The following CRK variants were observed in gnomAD, a reference collection of about 807,000 sequenced individuals.
CRK encodes adapter molecule crk.
Under a neutral mutation model 29.8 loss-of-function variants are expected in CRK, and 4 were observed. That is an observed-to-expected ratio of 0.13 (90% confidence interval 0.07 to 0.31). The LOEUF is 0.31. Among genes scored for constraint, CRK ranks in the 10% least tolerant of loss-of-function variants. The pLI is 1.00. For synonymous variants in CRK, 153 were observed against 164.9 expected (o/e 0.93, Z 0.55); for missense variants, 274 against 396.5 (o/e 0.69, Z 2.62).
At chr17:1,445,905 G>A (rs1173637871) in intron 1 of CRK, among the ~76,000 whole-genome samples, 1 of 152,164 alleles carries the variant, frequency 6.6e-6, no homozygotes, top group Non-Finnish European at 1.5e-5. Flanking sequence ...GTGGTTGGCA[G>A]GTCAGTGCTC....
intron 2 of CRK, among the ~76,000 whole-genome samples, chr17:1,436,141 G>A (rs137890361): frequency 5.3e-4 from 81 of 152,132 alleles, no homozygotes; most frequent in African/African-American, 1.8e-3. Flanking sequence ...ATTTCCTCCC[G>A]GATTCTACTC....
At chr17:1,448,586 G>A (rs764971950) in intron 1 of CRK, among the ~76,000 whole-genome samples, 8 of 129,610 alleles carry the variant, frequency 6.2e-5, no homozygotes, top group Non-Finnish European at 9.1e-5. Context: ...ATATGCCATT[G>A]CACTCCAGCC....
chr17:1,440,678 C>T (rs1278895670), intron 1 of CRK, among the ~76,000 whole-genome samples: 1 of 151,814 alleles, frequency 6.6e-6, no homozygotes, highest in African/African-American at 2.4e-5. Context: ...TTTGGGAGGC[C>T]GAGGCGGGTG....
chr17:1,441,146 T>G (rs546258310), intron 1 of CRK, among the ~76,000 whole-genome samples: 1 of 152,206 alleles, frequency 6.6e-6, no homozygotes, highest in Admixed American at 6.5e-5. Context: ...CAAGCCAGTC[T>G]CGAATTCCTG....
intron 2 of CRK, among the ~76,000 whole-genome samples, chr17:1,425,431 GTCAC>G (rs1323817825): frequency 6.6e-6 from 1 of 152,032 alleles, no homozygotes; most frequent in Non-Finnish European, 1.5e-5. Context: ...GTCTCACTCT[GTCAC>G]TCAGGCTGGA....
chr17:1,430,417 C>G (rs62089612), intron 2 of CRK, among the ~76,000 whole-genome samples: 1 of 150,224 alleles, frequency 6.7e-6, no homozygotes, highest in Non-Finnish European at 1.5e-5. Context: ...AGTGCAGTGG[C>G]GCGATCTTGG....
chr17:1,421,277 A>G lies in CRK; in HGVS notation c.*2236T>C, dbSNP rs1470054782. 1.7e-5 allele frequency: 2 copies of G among 118,958 alleles called. No individual in the cohort carries two copies. The highest frequency in any genetic ancestry group is 5.5e-5 in the African/African-American group (2 of 36,492). The allele number at this position is 118,958 out of a possible 1,614,324, so 7.4% of individuals were successfully genotyped here. ...TGATGAAAAGAGACATTACAAGCCA[A>G]TATCAAAGTCAAAGGAAAAGAAAAT... is the stretch of plus-strand genomic sequence containing the variant. On this transcript the variant is annotated 3_prime_UTR_variant, in exon 3 of 3. Coordinates refer to ENST00000300574, the MANE Select transcript of CRK (RefSeq NM_016823.4).
intron 1 of CRK, among the ~76,000 whole-genome samples, chr17:1,448,350 C>T (rs2073990841): frequency 6.6e-6 from 1 of 151,984 alleles, no homozygotes; most frequent in Non-Finnish European, 1.5e-5. Flanking sequence ...AGAGGCTGGG[C>T]GTGGGGGTTC....
intron 1 of CRK, among the ~76,000 whole-genome samples, chr17:1,442,523 TTAATTA>T (rs2073943030): frequency 6.6e-6 from 1 of 151,890 alleles, no homozygotes. Flanking sequence ...ATTATTAATT[TTAATTA>T]TATGTGAGCC....
chr17:1,437,820 A>AT (rs34817166), intron 1 of CRK, among the ~76,000 whole-genome samples: 25,890 of 136,674 alleles, frequency 0.19, 2,721 homozygotes, highest in African/African-American at 0.3. Context: ...TGACAAGCTA[A>AT]TTTTTTTTTT....
chr17:1,437,446 C>T (rs1026820550), intron 1 of CRK, among the ~76,000 whole-genome samples: 1 of 152,084 alleles, frequency 6.6e-6, no homozygotes, highest in Non-Finnish European at 1.5e-5. Context: ...CTTCACAGCA[C>T]ACCAACATCA....
intron 1 of CRK, among the ~76,000 whole-genome samples, chr17:1,450,313 CCTGG>C (rs2074007275): frequency 6.6e-6 from 1 of 152,054 alleles, no homozygotes; most frequent in Non-Finnish European, 1.5e-5. Flanking sequence ...TCAAGACCAT[CCTGG>C]CTAACACGGT....
intron 1 of CRK, among the ~76,000 whole-genome samples, chr17:1,441,568 G>A (rs1465185790): frequency 2.7e-5 from 4 of 148,688 alleles, no homozygotes; most frequent in Non-Finnish European, 6.0e-5. Flanking sequence ...CTTGGCTCAC[G>A]GCAACCTCCA....
At chr17:1,449,493 T>C (rs898068549) in intron 1 of CRK, among the ~76,000 whole-genome samples, 1 of 152,304 alleles carries the variant, frequency 6.6e-6, no homozygotes, top group Middle Eastern at 3.4e-3. Flanking sequence ...TCAGTATTAC[T>C]ATTTCCCTCC....
chr17:1,441,249 G>A (rs575048141), intron 1 of CRK, among the ~76,000 whole-genome samples: 2 of 152,048 alleles, frequency 1.3e-5, no homozygotes, highest in South Asian at 2.1e-4. Context: ...TTTTGAGACA[G>A]GAGACTCCCT....
chr17:1,444,001 ATTTTTTT>A (rs1011472711), intron 1 of CRK, among the ~76,000 whole-genome samples: 1 of 139,504 alleles, frequency 7.2e-6, no homozygotes, highest in African/African-American at 2.6e-5. Flanking sequence ...CGCCTGGCCT[ATTTTTTT>A]TTTTTAATAA....
Position 1,422,887 on chromosome 17 carries a change from G to T in CRK, c.*626C>A. 2.5e-6 allele frequency: 1 copy of T among 398,844 alleles called. No homozygotes were observed. The allele number at this position is 398,844 out of a possible 1,614,324, so 24.7% of individuals were successfully genotyped here. A position where few individuals can be genotyped will look rare whatever the true frequency, so the allele number is the denominator to read the frequency against. ...TATCTTAGGAATTCACCTACTTACA[G>T]GTTTGGGGGACAAGAATGTCAAGGG... On this transcript the variant is annotated 3_prime_UTR_variant, in exon 3 of 3. Transcript: ENST00000300574.
At chr17:1,441,654 G>T (rs545320369) in intron 1 of CRK, among the ~76,000 whole-genome samples, 492 of 152,030 alleles carry the variant, frequency 3.2e-3, no homozygotes, top group Non-Finnish European at 5.5e-3. Context: ...ACCACACCCG[G>T]CTAATTTTTG....
At chr17:1,430,997 G>A (rs887641331) in intron 2 of CRK, among the ~76,000 whole-genome samples, 2 of 152,016 alleles carry the variant, frequency 1.3e-5, no homozygotes, top group African/African-American at 2.4e-5. Context: ...GAACCCTGGA[G>A]GCGGAGCTCG....
Sources: gnomAD v4.1 joint callset for allele counts (sites outside exome capture counted in the v4.1 genomes callset) on GRCh38, gnomAD v4.1.1 for gene constraint, MANE v1.5 for transcripts, NCBI Gene and HGNC (gene_info 2026-07-23, HGNC 2026-07-21) for gene names.